Variants in CCDC169 observed in about 807,000 individuals in gnomAD.
The protein encoded by CCDC169 is coiled-coil domain containing 169.
In CCDC169, 30 loss-of-function variants were observed where a neutral mutation model predicts 36.0. The observed-to-expected ratio is 0.83, with a 90% confidence interval of 0.62 to 1.13. The LOEUF (loss-of-function observed/expected upper bound fraction) is 1.13, where lower values mean the gene tolerates loss of function less well. Ranked by LOEUF, CCDC169 falls within the 50% of genes most tolerant of loss-of-function variation. The probability of loss-of-function intolerance (pLI) is 0.00; values close to 1 mark genes in which losing one functional copy is unlikely to be tolerated. For missense variants in CCDC169, 245 were observed against 245.9 expected, an observed-to-expected ratio of 1.00 and a Z score of 0.03; for synonymous variants, 85 against 81.5, an observed-to-expected ratio of 1.04 and a Z score of -0.23.
At chr13:36,260,168 C>G (rs372269238) in intron 4 of CCDC169, among the ~76,000 whole-genome samples, 1 of 152,174 alleles carries the variant, frequency 6.6e-6, no homozygotes, top group Non-Finnish European at 1.5e-5. Context: ...CTCAAAGACA[C>G]GCAGCTAATA....
intron 4 of CCDC169, among the ~76,000 whole-genome samples, chr13:36,277,944 CAA>C (rs71084416): frequency 0.34 from 34,308 of 99,938 alleles, 4,049 homozygotes; most frequent in East Asian, 0.55. Context: ...GACTCCGTCT[CAA>C]AAAAAAAAAA....
At chr13:36,297,548 CACCCTCAGCGGCTTCAGCCCTGAG>C in intron 1 of CCDC169, 65 bp downstream of exon 1, 1 of 1,305,098 alleles carries the variant, frequency 7.7e-7, no homozygotes, top group Non-Finnish European at 1.1e-6. Flanking sequence ...GGTCTTACAG[CACCCTCAGCGGCTTCAGCCCTGAG>C]ACTCTGCAGG....
At chr13:36,258,991 G>A (rs955226797) in intron 4 of CCDC169, among the ~76,000 whole-genome samples, 3 of 152,110 alleles carry the variant, frequency 2.0e-5, no homozygotes, top group South Asian at 2.1e-4. Context: ...TGAAGCTGCC[G>A]GGATGAGTGC....
intron 4 of CCDC169, among the ~76,000 whole-genome samples, chr13:36,266,592 C>A (rs985722438): frequency 6.6e-6 from 1 of 152,208 alleles, no homozygotes; most frequent in African/African-American, 2.4e-5. Context: ...CCCTGTCCAC[C>A]CTTCCACTAC....
chr13:36,231,034 C>T lies in CCDC169; in HGVS notation c.*159G>A, dbSNP rs772974917. 1.4e-6 allele frequency: 2 copies of T among 1,403,406 alleles called. No individual in the cohort carries two copies. The highest frequency in any genetic ancestry group is 2.7e-4 in the Middle Eastern group (1 of 3,764). 86.9% of individuals were successfully genotyped at this position (1,403,406 alleles called of 1,614,324 possible). A position where few individuals can be genotyped will look rare whatever the true frequency, so the allele number is the denominator to read the frequency against. The stretch of plus-strand genomic sequence containing the variant: ...GTCACTGGAGAAAATTACTTTTATG[C>T]AGACAAAGGAACACACGTCTGGAAA... On this transcript the variant is annotated 3_prime_UTR_variant, in exon 8 of 8. Coordinates refer to ENST00000239859, the MANE Select transcript of CCDC169 (RefSeq NM_001144981.3).
At chr13:36,247,621 T>C (rs149092222) in intron 7 of CCDC169, among the ~76,000 whole-genome samples, 1 of 152,244 alleles carries the variant, frequency 6.6e-6, no homozygotes, top group Non-Finnish European at 1.5e-5. Context: ...GAACTAGAAT[T>C]AGAAGTAGAG....
intron 5 of CCDC169, 23 bp downstream of exon 5, chr13:36,254,022 C>T (rs1873508379): frequency 6.5e-7 from 1 of 1,539,304 alleles, no homozygotes; most frequent in Non-Finnish European, 8.8e-7. Flanking sequence ...AAAGGAATTG[C>T]TAAGTATAGA....
intron 7 of CCDC169, among the ~76,000 whole-genome samples, chr13:36,236,192 C>A (rs888950229): frequency 6.6e-6 from 1 of 151,856 alleles, no homozygotes; most frequent in Non-Finnish European, 1.5e-5. Context: ...TCTGAATAAC[C>A]AAAACAATCT....
intron 7 of CCDC169, among the ~76,000 whole-genome samples, chr13:36,233,692 G>A (rs61706221): frequency 0.036 from 5,515 of 152,196 alleles, 382 homozygotes; most frequent in East Asian, 0.28. Context: ...AGAGCTCAAC[G>A]GCAGATTGGA....
chr13:36,236,465 G>C (rs1282750649), intron 7 of CCDC169, among the ~76,000 whole-genome samples: 1 of 151,906 alleles, frequency 6.6e-6, no homozygotes, highest in African/African-American at 2.4e-5. Flanking sequence ...AGTGAAACTG[G>C]ACGCCTACCT....
chr13:36,243,336 C>T (rs1457543129), intron 7 of CCDC169, among the ~76,000 whole-genome samples: 4 of 151,986 alleles, frequency 2.6e-5, no homozygotes, highest in East Asian at 1.9e-4. Context: ...CCTGTCTCTA[C>T]TAAAAGTACA....
chr13:36,230,635 T>C (rs1870313898), downstream of CCDC169: 2 of 357,290 alleles, frequency 5.6e-6, no homozygotes, highest in Non-Finnish European at 7.8e-6. Context: ...GTGTGGGAAA[T>C]AAACATGAGG....
intron 7 of CCDC169, chr13:36,240,706 A>G: frequency 1.1e-6 from 1 of 908,198 alleles, no homozygotes; most frequent in Non-Finnish European, 1.5e-6. Flanking sequence ...CACACTAAAG[A>G]AAAAAATAAA....
chr13:36,273,191 T>C (rs1241787993), intron 4 of CCDC169, among the ~76,000 whole-genome samples: 2 of 152,194 alleles, frequency 1.3e-5, no homozygotes, highest in African/African-American at 2.4e-5. Flanking sequence ...ATAAATATCA[T>C]ATCCAAATGT....
intron 4 of CCDC169, among the ~76,000 whole-genome samples, chr13:36,268,914 G>A (rs537052742): frequency 7.9e-5 from 12 of 152,150 alleles, no homozygotes; most frequent in Admixed American, 4.6e-4. Context: ...AGATCAGCCC[G>A]GCCAGTATGG....
At chr13:36,239,543 G>A (rs928860012) in intron 7 of CCDC169, among the ~76,000 whole-genome samples, 2 of 152,074 alleles carry the variant, frequency 1.3e-5, no homozygotes, top group African/African-American at 4.8e-5. Context: ...TCAATACATT[G>A]TTACTCTGCT....
intron 2 of CCDC169, among the ~76,000 whole-genome samples, chr13:36,285,727 A>G (rs1312828901): frequency 6.6e-6 from 1 of 152,184 alleles, no homozygotes; most frequent in Non-Finnish European, 1.5e-5. Context: ...AGTCCAATTA[A>G]TAAGAGCAAG....
At chr13:36,227,026 G>C, downstream of CCDC169, 1 of 430,668 alleles carries the variant, frequency 2.3e-6, no homozygotes, top group South Asian at 9.2e-5. Context: ...AAAGACCAAG[G>C]TGAAGTCAGC....
downstream of CCDC169, chr13:36,223,203 G>C (rs1869703313): frequency 6.6e-6 from 1 of 152,110 alleles, no homozygotes; most frequent in African/African-American, 2.4e-5. Flanking sequence ...AGTTATTTTT[G>C]TCTCATGTTT....
Sources: gnomAD v4.1 joint callset for allele counts (sites outside exome capture counted in the v4.1 genomes callset) on GRCh38, gnomAD v4.1.1 for gene constraint, MANE v1.5 for transcripts, NCBI Gene and HGNC (gene_info 2026-07-23, HGNC 2026-07-21) for gene names.